Variants in ARHGAP28 observed in about 807,000 individuals in gnomAD.
ARHGAP28 encodes the protein rho GTPase-activating protein 28.
A neutral mutation model predicts 90.7 loss-of-function variants in ARHGAP28; 56 were observed. The ratio of observed to expected loss-of-function variants is 0.62; its 90% CI spans 0.50 to 0.77. The LOEUF is 0.77. Ranked by LOEUF, ARHGAP28 falls within the 30% of genes least tolerant of loss-of-function variation. The probability of loss-of-function intolerance (pLI) is 0.00; values close to 1 mark genes in which losing one functional copy is unlikely to be tolerated. For synonymous variants in ARHGAP28, 308 were observed against 323.3 expected (o/e 0.95, Z 0.51); for missense variants, 869 against 900.9 (o/e 0.96, Z 0.45).
At chr18:6,868,989 A>T (rs1421512319) in intron 6 of ARHGAP28, among the ~76,000 whole-genome samples, 1 of 152,102 alleles carries the variant, frequency 6.6e-6, no homozygotes, top group East Asian at 1.9e-4. Flanking sequence ...ATAAAAATAA[A>T]AAAGAAGGGA....
At chr18:6,781,338 T>G (rs9965344) in intron 1 of ARHGAP28, among the ~76,000 whole-genome samples, 30,098 of 152,120 alleles carry the variant, frequency 0.2, 5,577 homozygotes, top group African/African-American at 0.48. Context: ...TGAGCCTTCG[T>G]CCTGTTCCAG....
At chr18:6,748,185 C>T (rs2056040116) in intron 1 of ARHGAP28, among the ~76,000 whole-genome samples, 6 of 152,140 alleles carry the variant, frequency 3.9e-5, no homozygotes, top group Non-Finnish European at 1.5e-5. Flanking sequence ...TAGAAATCTC[C>T]ACATTCCCAA....
At chr18:6,839,572 C>T (rs2056786849) in intron 3 of ARHGAP28, among the ~76,000 whole-genome samples, 1 of 152,198 alleles carries the variant, frequency 6.6e-6, no homozygotes, top group Non-Finnish European at 1.5e-5. Context: ...GCTGGGATTA[C>T]AGGCGTGAGC....
At chr18:6,776,768 A>G (rs9964223) in intron 1 of ARHGAP28, among the ~76,000 whole-genome samples, 81,432 of 151,766 alleles carry the variant, frequency 0.54, 23,313 homozygotes, top group African/African-American at 0.74. Context: ...TCGGTGGTAG[A>G]TCGGAGATTC....
At chr18:6,853,298 A>G (rs1215992097) in intron 4 of ARHGAP28, among the ~76,000 whole-genome samples, 1 of 152,044 alleles carries the variant, frequency 6.6e-6, no homozygotes, top group East Asian at 1.9e-4. Context: ...GCCTCATTAT[A>G]CCCTCTAGCA....
chr18:6,809,564 A>T (rs1196497092), intron 1 of ARHGAP28, among the ~76,000 whole-genome samples: 7 of 152,202 alleles, frequency 4.6e-5, no homozygotes. Flanking sequence ...AAGCAGGCAC[A>T]TATTTACATG....
At chr18:6,892,420 G>A (rs1360229713) in intron 14 of ARHGAP28, among the ~76,000 whole-genome samples, 1 of 152,114 alleles carries the variant, frequency 6.6e-6, no homozygotes, top group Non-Finnish European at 1.5e-5. Context: ...CCAAAGTGCT[G>A]GGATGACAGG....
At chr18:6,865,893 A>T (rs1188657801) in intron 5 of ARHGAP28, among the ~76,000 whole-genome samples, 3 of 152,170 alleles carry the variant, frequency 2.0e-5, no homozygotes, top group African/African-American at 7.2e-5. Flanking sequence ...CCCTGGTGAG[A>T]AACACATGTG....
chr18:6,907,722 A>G (rs2143853948), intron 16 of ARHGAP28, among the ~76,000 whole-genome samples: 1 of 152,266 alleles, frequency 6.6e-6, no homozygotes, highest in South Asian at 2.1e-4. Flanking sequence ...GGGGCTGGAA[A>G]TGTTCTGCAT....
At chr18:6,885,802 GTT>G (rs11415807) in intron 11 of ARHGAP28, among the ~76,000 whole-genome samples, 4 of 141,688 alleles carry the variant, frequency 2.8e-5, no homozygotes, top group East Asian at 2.1e-4. Context: ...CCCCAGAGTT[GTT>G]TTTTTTTTTT....
intron 15 of ARHGAP28, among the ~76,000 whole-genome samples, chr18:6,895,139 T>A (rs963207130): frequency 6.6e-6 from 1 of 152,134 alleles, no homozygotes; most frequent in African/African-American, 2.4e-5. Context: ...CAGTCATCGG[T>A]AAGTAATGTC....
At chr18:6,750,454 A>T (rs1379851506) in intron 1 of ARHGAP28, among the ~76,000 whole-genome samples, 3 of 152,200 alleles carry the variant, frequency 2.0e-5, no homozygotes, top group Non-Finnish European at 4.4e-5. Context: ...TCACCTGGTA[A>T]GTACTATAGT....
chr18:6,871,317 T>C (rs1159046834), intron 7 of ARHGAP28, among the ~76,000 whole-genome samples: 1 of 152,220 alleles, frequency 6.6e-6, no homozygotes, highest in Non-Finnish European at 1.5e-5. Flanking sequence ...GCTTGTGAGC[T>C]TTCTTGCACT....
intron 17 of ARHGAP28, among the ~76,000 whole-genome samples, chr18:6,910,575 G>A (rs1353041232): frequency 6.6e-6 from 1 of 151,934 alleles, no homozygotes; most frequent in Non-Finnish European, 1.5e-5. Flanking sequence ...AGGTCTTTGC[G>A]GATAAATCAG....
chr18:6,898,618 A>G (rs1408200168), intron 16 of ARHGAP28: 2 of 1,575,232 alleles, frequency 1.3e-6, no homozygotes, highest in South Asian at 2.4e-5. Flanking sequence ...GGATTTGGGT[A>G]TCCAGTAGAC....
At chr18:6,741,742 C>G (rs2055979311) in intron 1 of ARHGAP28, among the ~76,000 whole-genome samples, 1 of 152,172 alleles carries the variant, frequency 6.6e-6, no homozygotes, top group South Asian at 2.1e-4. Flanking sequence ...AAATCTTACT[C>G]TAGGTTATTC....
intron 11 of ARHGAP28, among the ~76,000 whole-genome samples, chr18:6,886,126 G>C (rs2143682479): frequency 6.6e-6 from 1 of 152,266 alleles, no homozygotes; most frequent in Admixed American, 6.5e-5. Flanking sequence ...CACAGCTCCA[G>C]TAACCTACTA....
intron 1 of ARHGAP28, among the ~76,000 whole-genome samples, chr18:6,762,466 A>G (rs1370667388): frequency 6.6e-6 from 1 of 152,192 alleles, no homozygotes. Flanking sequence ...TTTCCCCTTC[A>G]ACATGCTACG....
chr18:6,752,983 G>A (rs2056082204), intron 1 of ARHGAP28, among the ~76,000 whole-genome samples: 1 of 151,318 alleles, frequency 6.6e-6, no homozygotes, highest in Admixed American at 6.6e-5. Context: ...TAAATACTAC[G>A]TAGGGGTTTT....
Sources: allele counts gnomAD v4.1 joint callset (sites outside exome capture counted in the v4.1 genomes callset), GRCh38; gene constraint gnomAD v4.1.1; transcripts MANE v1.5; gene names NCBI Gene and HGNC (gene_info 2026-07-23, HGNC 2026-07-21).